Variants in CFAP251 observed in about 807,000 individuals in gnomAD.
The protein encoded by CFAP251 is cilia- and flagella-associated protein 251.
CFAP251 carries 93 observed loss-of-function variants against 126.7 expected under a neutral mutation model. The observed-to-expected ratio is 0.73, with a 90% confidence interval of 0.62 to 0.87. The LOEUF (loss-of-function observed/expected upper bound fraction) is 0.87, where lower values mean the gene tolerates loss of function less well. CFAP251 is among the 40% of genes least tolerant of loss of function. CFAP251 has a pLI of 0.00. For synonymous variants in CFAP251, 503 were observed against 506.9 expected (o/e 0.99, Z 0.10); for missense variants, 1,287 against 1,389.2 (o/e 0.93, Z 1.17).
chr12:121,928,316 T>G (rs1880498622), intron 3 of CFAP251, among the ~76,000 whole-genome samples: 1 of 152,054 alleles, frequency 6.6e-6, no homozygotes, highest in South Asian at 2.1e-4. Context: ...GATTCCATAA[T>G]TCTACCACTC....
chr12:121,934,875 T>G (rs1194946382), intron 5 of CFAP251, among the ~76,000 whole-genome samples: 1 of 152,240 alleles, frequency 6.6e-6, no homozygotes, highest in African/African-American at 2.4e-5. Flanking sequence ...GGCGCAATCA[T>G]AGCTCATTGC....
At chr12:121,930,510 C>A (rs572388091) in intron 3 of CFAP251, among the ~76,000 whole-genome samples, 73 of 151,876 alleles carry the variant, frequency 4.8e-4, no homozygotes, top group South Asian at 3.8e-3. Flanking sequence ...ACAAAAAAAA[C>A]CCCAAAAAAC....
intron 19 of CFAP251, among the ~76,000 whole-genome samples, chr12:121,994,292 GC>G (rs758956918): frequency 0.31 from 4,165 of 13,254 alleles, 1,365 homozygotes; most frequent in Non-Finnish European, 0.39. Flanking sequence ...GGGGGGGTCA[GC>G]CCCCCCGCTC....
intron 5 of CFAP251, among the ~76,000 whole-genome samples, chr12:121,934,658 C>T (rs960681082): frequency 6.6e-6 from 1 of 152,180 alleles, no homozygotes; most frequent in African/African-American, 2.4e-5. Flanking sequence ...TCGTGTCTAT[C>T]GCTGCTCCTC....
At position 121,960,629 on chromosome 12, in the gene CFAP251, T is replaced by G; in HGVS notation, c.2178T>G (p.Asn726Lys). 6.2e-7 allele frequency: 1 copy of G among 1,614,144 alleles called. No homozygotes were observed. The highest frequency in any genetic ancestry group is 1.1e-5 in the South Asian group (1 of 91,080). Reference protein sequence around the residue: ...TVAVYMLVVRNGQRVWEYLAR... With the variant: ...TVAVYMLVVRKGQRVWEYLAR... ...CTGTTTACATGCTGGTGGTCAGAAATGGACAGAGGGTCTGGGAGTACTTAG... is the reference window on the plus strand; with the variant it reads ...CTGTTTACATGCTGGTGGTCAGAAAGGGACAGAGGGTCTGGGAGTACTTAG... Residue 726 changes from asparagine to lysine, a missense_variant, in exon 14 of 22, where the codon AAT becomes AAG. Transcript: ENST00000288912.
intron 19 of CFAP251, among the ~76,000 whole-genome samples, chr12:121,985,331 C>T (rs952332578): frequency 6.6e-5 from 10 of 151,856 alleles, no homozygotes; most frequent in African/African-American, 1.5e-4. Flanking sequence ...GTCAGGAGTT[C>T]GAGACCAGTT....
At chr12:121,985,929 A>T (rs1429714583) in intron 19 of CFAP251, among the ~76,000 whole-genome samples, 1 of 152,148 alleles carries the variant, frequency 6.6e-6, no homozygotes, top group African/African-American at 2.4e-5. Flanking sequence ...GCCAAAGTGG[A>T]AGGACCGCTT....
rs774538383 is a variant in CFAP251 at position 121,947,454 on chromosome 12, TTTTTC to T, written c.1192-1510_1192-1506del. On this transcript the variant is annotated intron_variant, in intron 7 of 21. Transcript: ENST00000288912. The stretch of plus-strand genomic sequence containing the variant: ...GGTTTTCAGTCATTTGGATGGGTCT[TTTTTC>T]TTTTCTTTTCTTTTCTTTTTTTTGA... 8.5e-5 allele frequency among the ~76,000 whole-genome samples: 13 copies of T among 152,136 alleles called. No homozygotes were observed. The East Asian group carries it at 1.4e-3, about 16-fold the overall frequency.
At chr12:121,980,534 G>C (rs1882595597) in intron 19 of CFAP251, among the ~76,000 whole-genome samples, 1 of 151,728 alleles carries the variant, frequency 6.6e-6, no homozygotes, top group Admixed American at 6.6e-5. Flanking sequence ...TTTTGGTAGA[G>C]ATGGGGTTTC....
At chr12:121,960,110 G>GC (rs1159454556) in intron 13 of CFAP251, among the ~76,000 whole-genome samples, 1 of 152,028 alleles carries the variant, frequency 6.6e-6, no homozygotes, top group Non-Finnish European at 1.5e-5. Context: ...TCTAGCCTGG[G>GC]CAACAGATCA....
chr12:121,922,829 G>A (rs1423985168), intron 2 of CFAP251, among the ~76,000 whole-genome samples: 8 of 151,902 alleles, frequency 5.3e-5, no homozygotes, highest in South Asian at 2.1e-4. Flanking sequence ...TCGCTCTGTC[G>A]CCCAGGCTGG....
Position 122,003,862 on chromosome 12 carries a change from C to A in CFAP251, c.*98C>A. The A allele has an allele frequency of 1.2e-6, 1 of 832,172 alleles. No homozygotes were observed. The highest frequency in any genetic ancestry group is 3.1e-5 in the East Asian group (1 of 31,990). 51.5% of individuals were successfully genotyped at this position (832,172 alleles called of 1,614,324 possible). On this transcript the variant is annotated 3_prime_UTR_variant, in exon 22 of 22. Transcript: ENST00000288912. ...GCACTGCTTTTTATGCATTTCCCTC[C>A]CCCCTCTCATCTTTAGAACATTTAG...
At position 121,921,327 on chromosome 12, in the gene CFAP251, C is replaced by A. The variant is rs541405706; in HGVS notation, c.22C>A (p.Pro8Thr). ...AAGAATGTCAGATGCAGCAGAAGCT[C>A]CCCGAGAAGCAACAGGAGAAAATGG... MSDAAEA[P>T]REATGENGET... is the part of the protein sequence containing the mutation. Residue 8 changes from proline (P) to threonine (T), a missense_variant, in exon 2 of 22, where the codon CCC becomes ACC. By Grantham distance (38) the Pro-to-Thr change is conservative. Transcript: ENST00000288912. The A allele has an allele frequency of 1.4e-5, 22 of 1,597,036 alleles. No individual in the cohort carries two copies. In the Admixed American group the frequency reaches 3.1e-4, roughly 23 times the overall value.
intron 15 of CFAP251, among the ~76,000 whole-genome samples, chr12:121,962,556 G>A (rs1160273483): frequency 6.6e-6 from 1 of 152,178 alleles, no homozygotes; most frequent in East Asian, 1.9e-4. Context: ...GCGTGAGCCA[G>A]GTACCGTTTT....
chr12:121,954,652 A>AAAAC (rs1881657558), intron 10 of CFAP251, among the ~76,000 whole-genome samples: 1 of 149,134 alleles, frequency 6.7e-6, no homozygotes, highest in Non-Finnish European at 1.5e-5. Flanking sequence ...AAAAAAAAAA[A>AAAAC]AAAAAAAAAA....
At chr12:121,939,573 C>T (rs1881030075) in intron 5 of CFAP251, among the ~76,000 whole-genome samples, 1 of 150,800 alleles carries the variant, frequency 6.6e-6, no homozygotes, top group Non-Finnish European at 1.5e-5. Context: ...CTCTACTAGA[C>T]ATGAAGCAAC....
At chr12:121,993,951 G>A (rs1882955380) in intron 19 of CFAP251, among the ~76,000 whole-genome samples, 1 of 104,466 alleles carries the variant, frequency 9.6e-6, no homozygotes, top group African/African-American at 3.4e-5. Context: ...TGCCCGGCCA[G>A]CACCCCGTCC....
rs1386923318 is a variant in CFAP251, at chr12:121,923,713, A to T, written c.470A>T (p.Glu157Val). ...ELLRDLSTQI[E>V]FLDLDQISPE... ...TTAAGAGACCTGAGCACACAAATTGAATTTCTTGATTTGGATCAAATCAGT... is the reference window on the plus strand; with the variant it reads ...TTAAGAGACCTGAGCACACAAATTGTATTTCTTGATTTGGATCAAATCAGT... The change falls in exon 3 of 22, where the codon GAA becomes GTA. Residue 157 changes from glutamate to valine, a missense_variant. Physicochemically the swap from Glu to Val is moderately radical, Grantham distance 121 (BLOSUM62 -2). Coordinates refer to ENST00000288912, the MANE Select transcript of CFAP251 (RefSeq NM_144668.6). 1.2e-6 allele frequency: 2 copies of T among 1,614,066 alleles called. No individual in the cohort carries two copies. The highest frequency in any genetic ancestry group is 1.7e-6 in the Non-Finnish European group (2 of 1,180,030).
rs912518983 is a variant in CFAP251, at chr12:121,923,551, G to A, written c.379-71G>A. On this transcript the variant is annotated intron_variant, in intron 2 of 21. Transcript: ENST00000288912. ...GGCTAACACTAAGACTGGCTGACTG[G>A]GAATAGAAAAGGTGAATAAATGGTG... 8 of 1,516,524 alleles carry A rather than the reference G, an allele frequency of 5.3e-6. No homozygotes were observed. The African/African-American group carries it at 8.4e-5, about 16-fold the overall frequency. The allele number at this position is 1,516,524 out of a possible 1,614,324, so 93.9% of individuals were successfully genotyped here.
Sources: gnomAD v4.1 joint callset for allele counts (sites outside exome capture counted in the v4.1 genomes callset) on GRCh38, gnomAD v4.1.1 for gene constraint, MANE v1.5 for transcripts, NCBI Gene and HGNC (gene_info 2026-07-23, HGNC 2026-07-21) for gene names.